The following CDC37 variants were observed in gnomAD, a reference collection of about 807,000 sequenced individuals.
The protein encoded by CDC37 is hsp90 co-chaperone Cdc37.
A neutral mutation model predicts 46.9 loss-of-function variants in CDC37; 9 were observed. The observed-to-expected ratio is 0.19, with a 90% CI of 0.12 to 0.33. The LOEUF is 0.33. CDC37 is among the 10% of genes least tolerant of loss of function. CDC37 has a pLI of 1.00. For missense variants in CDC37, 388 were observed against 514.6 expected, an observed-to-expected ratio of 0.75 and a Z score of 2.38; for synonymous variants, 193 against 191.0, an observed-to-expected ratio of 1.01 and a Z score of -0.09.
Position 10,393,710 on chromosome 19 carries a change from A to G in CDC37, c.727-269T>C. 1 of 419,926 alleles carries G rather than the reference A, an allele frequency of 2.4e-6. No homozygotes were observed. Among genetic ancestry groups the G allele is most frequent in the South Asian group, 5.2e-5 (1 of 19,110 alleles). The allele number at this position is 419,926 out of a possible 1,614,324, so 26.0% of individuals were successfully genotyped here. ...GTCCCTGCATGGGCACCTCTAACTC[A>G]ACATGGCCACCTCCCAGCCTGCCTT... On this transcript the variant is annotated intron_variant, in intron 5 of 7. Transcript: ENST00000222005. This position sits in a 1 kb window ranked among gnomAD's most constrained non-coding sequence, Gnocchi z 4.9.
chr19:10,393,522 C>T lies in CDC37; in HGVS notation c.727-81G>A, dbSNP rs1185739902. The T allele has an allele frequency of 5.6e-6, 8 of 1,424,720 alleles. No homozygotes were observed. The highest frequency in any genetic ancestry group is 7.6e-6 in the Non-Finnish European group (8 of 1,057,926). The allele number at this position is 1,424,720 out of a possible 1,614,324, so 88.3% of individuals were successfully genotyped here. On this transcript the variant is annotated intron_variant, in intron 5 of 7. Transcript: ENST00000222005. This position sits in a 1 kb window ranked among gnomAD's most constrained non-coding sequence, Gnocchi z 4.9. ...GGGGCCCAGGACCCTCCAGCCACAG[C>T]TCCTCAGAGGCGCCCCACGGTTCCC...
chr19:10,396,321 C>T lies in CDC37; in HGVS notation c.103-118G>A. ...AAAAGTACGCGTCCACCTCCCGTGC[C>T]CTGGTCTCCCAGCTTCCGCCCCTGC... On this transcript the variant is annotated intron_variant, in intron 1 of 7. Coordinates refer to ENST00000222005, the MANE Select transcript of CDC37 (RefSeq NM_007065.4). This position sits in a 1 kb window ranked among gnomAD's most constrained non-coding sequence, Gnocchi z 5.9. 8.3e-7 allele frequency: 1 copy of T among 1,201,616 alleles called. No homozygotes were observed. The highest frequency in any genetic ancestry group is 1.5e-5 in the South Asian group (1 of 65,774). 74.4% of individuals were successfully genotyped at this position (1,201,616 alleles called of 1,614,324 possible). A position where few individuals can be genotyped will look rare whatever the true frequency, so the allele number is the denominator to read the frequency against.
At chr19:10,401,379 C>T (rs1415906294) in intron 1 of CDC37, among the ~76,000 whole-genome samples, 2 of 152,108 alleles carry the variant, frequency 1.3e-5, no homozygotes, top group Non-Finnish European at 1.5e-5. Context: ...GGGTTCTCAG[C>T]GGCAGGACAG....
Position 10,396,565 on chromosome 19 carries a change from GAAAAC to G in CDC37, c.103-367_103-363del, listed in dbSNP as rs765806805. Reference sequence around the variant, plus strand: ...TCTTGAGGCCATTTTTTTTGTTTAAGAAAACAAAACAAAACAAAACAAAAAACAGG... The same window carrying G: ...TCTTGAGGCCATTTTTTTTGTTTAAGAAAACAAAACAAAACAAAAAACAGG... On this transcript the variant is annotated intron_variant, in intron 1 of 7. Coordinates refer to ENST00000222005, the MANE Select transcript of CDC37 (RefSeq NM_007065.4). This position sits in a 1 kb window ranked among gnomAD's most constrained non-coding sequence, Gnocchi z 5.9. 7.8e-4 allele frequency among the ~76,000 whole-genome samples: 119 copies of G among 151,976 alleles called. 1 individual carries two copies. The East Asian group carries it at 0.017, about 22-fold the overall frequency.
At chr19:10,403,352 G>A in intron 1 of CDC37, 26 bp downstream of exon 1, 1 of 1,583,884 alleles carries the variant, frequency 6.3e-7, no homozygotes, top group Non-Finnish European at 8.6e-7. Flanking sequence ...CGGGAGTGGG[G>A]AAAGGGATGG....
In CDC37 at chr19:10,391,579, G is replaced by A. The variant is rs971573679; in HGVS notation, c.1109C>T (p.Thr370Met). The A allele has an allele frequency of 8.7e-6, 14 of 1,614,098 alleles. No homozygotes were observed. Among genetic ancestry groups the A allele is most frequent in the African/African-American group, 8.0e-5 (6 of 74,948 alleles). ...CACACTGACATCCTTCTCATCGCCC[G>A]TCTTGGGAACAGCTTCCAGTAATGG... ...GDPLLEAVPK[T>M]GDEKDVSV is the part of the protein sequence containing the mutation. Residue 370 changes from threonine to methionine, a missense_variant, in exon 8 of 8, where the codon ACG becomes ATG. Thr to Met is a moderately conservative substitution (Grantham distance 81, BLOSUM62 -1). Around this residue, in one of 2 missense-constraint regions of CDC37, gnomAD observed 374 missense variants for 467.4 expected, o/e 0.80. Coordinates refer to ENST00000222005, the MANE Select transcript of CDC37 (RefSeq NM_007065.4).
At chr19:10,395,827 C>T (rs1047058321) in intron 2 of CDC37, 101 bp downstream of exon 2, 21 of 1,364,142 alleles carry the variant, frequency 1.5e-5, no homozygotes, top group Non-Finnish European at 1.0e-6. Flanking sequence ...TCAACTACAC[C>T]ACCGGGGTCC....
intron 1 of CDC37, among the ~76,000 whole-genome samples, chr19:10,397,703 G>A (rs2042499388): frequency 1.3e-5 from 2 of 151,778 alleles, no homozygotes; most frequent in South Asian, 4.2e-4. Flanking sequence ...CTGCACCAGG[G>A]CCCCTTCTAG....
At position 10,396,752 on chromosome 19, in the gene CDC37, G is replaced by C. The variant is rs1311917462; in HGVS notation, c.103-549C>G. Among the ~76,000 whole-genome samples, 2 of 152,002 alleles carry C rather than the reference G, an allele frequency of 1.3e-5. No homozygotes were observed. Among genetic ancestry groups the C allele is most frequent in the African/African-American group, 2.4e-5 (1 of 41,372 alleles). ...CGCCCAGCTAATTTTTGTATTTTCA[G>C]TAAAGATGGGGTTTGCCATGTTGCC... On this transcript the variant is annotated intron_variant, in intron 1 of 7. Transcript: ENST00000222005. This position sits in a 1 kb window ranked among gnomAD's most constrained non-coding sequence, Gnocchi z 5.9.
At chr19:10,401,084 C>T (rs1007869374) in intron 1 of CDC37, among the ~76,000 whole-genome samples, 3 of 152,204 alleles carry the variant, frequency 2.0e-5, no homozygotes, top group Non-Finnish European at 4.4e-5. Flanking sequence ...GTGCTCTGAA[C>T]GACAGCAATC....
rs988666433 is a variant in CDC37 at position 10,391,415 on chromosome 19, G to A, written c.*136C>T. On this transcript the variant is annotated 3_prime_UTR_variant, in exon 8 of 8. Coordinates refer to ENST00000222005, the MANE Select transcript of CDC37 (RefSeq NM_007065.4). Reference sequence around the variant, plus strand: ...TGGAGACAGTGGAGAGGCCAGGGAGGGCTGGGCGGGCCCCCCAGGCTGGGC... The same window carrying A: ...TGGAGACAGTGGAGAGGCCAGGGAGAGCTGGGCGGGCCCCCCAGGCTGGGC... 1.4e-5 allele frequency: 14 copies of A among 1,027,844 alleles called. No homozygotes were observed. The South Asian group carries it at 1.8e-4, about 13-fold the overall frequency. The allele number at this position is 1,027,844 out of a possible 1,614,324, so 63.7% of individuals were successfully genotyped here.
chr19:10,395,903 T>TA, intron 2 of CDC37, 25 bp downstream of exon 2: 1 of 1,573,918 alleles, frequency 6.4e-7, no homozygotes. Flanking sequence ...GCATGCGCAC[T>TA]GCCCGCCCCG....
Position 10,393,246 on chromosome 19 carries a change from C to CG in CDC37, c.909+12dup. 1 of 1,612,418 alleles carries CG rather than the reference C, an allele frequency of 6.2e-7. No homozygotes were observed. The highest frequency in any genetic ancestry group is 1.3e-5 in the African/African-American group (1 of 74,978). On this transcript the variant is annotated intron_variant, in intron 6 of 7. Coordinates refer to ENST00000222005, the MANE Select transcript of CDC37 (RefSeq NM_007065.4). This position sits in a 1 kb window ranked among gnomAD's most constrained non-coding sequence, Gnocchi z 4.9. ...GGGTCTTCCTGCTGCCCGCCTGGGC[C>CG]GGGGAGCCCCACCTCAGGGAGGGAC...
chr19:10,403,043 G>A (rs1354586950), intron 1 of CDC37, among the ~76,000 whole-genome samples: 2 of 152,126 alleles, frequency 1.3e-5, no homozygotes, highest in East Asian at 1.9e-4. Context: ...CAAACTTTGA[G>A]GCAGAGTTCT....
chr19:10,396,180 C>A lies in CDC37; in HGVS notation c.126G>T (p.Gln42His). Residue 42 changes from glutamine (Q) to histidine (H), a missense_variant, in exon 2 of 8, where the codon CAG becomes CAT. Gln to His is a conservative substitution (Grantham distance 24, BLOSUM62 0). Coordinates refer to ENST00000222005, the MANE Select transcript of CDC37 (RefSeq NM_007065.4). The surrounding 1 kb of genome is among the most constrained non-coding windows in gnomAD (Gnocchi z 5.9). ...RHQARVERME[Q>H]FQKEKEELDR... ...CCAGTTCCTCCTTCTCCTTCTGGAA[C>A]TGCTCCATGCGTTCCACCCGGGCCT... The A allele has an allele frequency of 6.2e-7, 1 of 1,614,030 alleles. No homozygotes were observed.
Position 10,393,506 on chromosome 19 carries a change from GA to G in CDC37, c.727-66del, listed in dbSNP as rs1462470327. 5 of 1,501,244 alleles carry G rather than the reference GA, an allele frequency of 3.3e-6. No individual in the cohort carries two copies. Among genetic ancestry groups the G allele is most frequent in the Non-Finnish European group, 4.5e-6 (5 of 1,118,652 alleles). The allele number at this position is 1,501,244 out of a possible 1,614,324, so 93.0% of individuals were successfully genotyped here. A position where few individuals can be genotyped will look rare whatever the true frequency, so the allele number is the denominator to read the frequency against. ...GCTCAGGAGGGACTGGGGGGCCCAGGACCCTCCAGCCACAGCTCCTCAGAGG... is the reference window on the plus strand; with the variant it reads ...GCTCAGGAGGGACTGGGGGGCCCAGGCCCTCCAGCCACAGCTCCTCAGAGG... On this transcript the variant is annotated intron_variant, in intron 5 of 7. Transcript: ENST00000222005. The surrounding 1 kb of genome is among the most constrained non-coding windows in gnomAD (Gnocchi z 4.9).
chr19:10,403,493 C>T lies in CDC37; in HGVS notation c.-14G>A, dbSNP rs1351624671. Reference sequence around the variant, plus strand: ...GTAGTCCACCATCTTGCCTTGGCGGCCCAGCCCGCTCCGGCTCGGGTGGCG... The same window carrying T: ...GTAGTCCACCATCTTGCCTTGGCGGTCCAGCCCGCTCCGGCTCGGGTGGCG... On this transcript the variant is annotated 5_prime_UTR_variant, in exon 1 of 8. Coordinates refer to ENST00000222005, the MANE Select transcript of CDC37 (RefSeq NM_007065.4). The T allele has an allele frequency of 3.7e-6, 6 of 1,601,216 alleles. No individual in the cohort carries two copies. The highest frequency in any genetic ancestry group is 2.2e-5 in the East Asian group (1 of 44,808).
rs748675716 is a variant in CDC37, at chr19:10,395,328, C to G, written c.503G>C (p.Trp168Ser). The change falls in exon 4 of 8, where the codon TGG becomes TCG. Residue 168 changes from tryptophan to serine, a missense_variant. Transcript: ENST00000222005. Reference protein sequence around the residue: ...QIKHFGMLRRWDDSQKYLSDN... With the variant: ...QIKHFGMLRRSDDSQKYLSDN... Reference sequence around the variant, plus strand: ...TGACAGGTACTTTTGGCTGTCATCCCAGCGGCGAAGCATGCCTGTGGGAAG... The same window carrying G: ...TGACAGGTACTTTTGGCTGTCATCCGAGCGGCGAAGCATGCCTGTGGGAAG... The G allele has an allele frequency of 6.2e-7, 1 of 1,614,188 alleles. No individual in the cohort carries two copies. The highest frequency in any genetic ancestry group is 1.1e-5 in the South Asian group (1 of 91,086).
Position 10,396,312 on chromosome 19 carries a change from C to G in CDC37, c.103-109G>C. On this transcript the variant is annotated intron_variant, in intron 1 of 7. Transcript: ENST00000222005. The surrounding 1 kb of genome is among the most constrained non-coding windows in gnomAD (Gnocchi z 5.9). Reference sequence around the variant, plus strand: ...GCCCCAGGAAAAAGTACGCGTCCACCTCCCGTGCCCTGGTCTCCCAGCTTC... The same window carrying G: ...GCCCCAGGAAAAAGTACGCGTCCACGTCCCGTGCCCTGGTCTCCCAGCTTC... 1 of 1,273,308 alleles carries G rather than the reference C, an allele frequency of 7.9e-7. No individual in the cohort carries two copies. Among genetic ancestry groups the G allele is most frequent in the Non-Finnish European group, 1.1e-6 (1 of 926,496 alleles). The allele number at this position is 1,273,308 out of a possible 1,614,324, so 78.9% of individuals were successfully genotyped here.
Sources: allele counts gnomAD v4.1 joint callset (sites outside exome capture counted in the v4.1 genomes callset), GRCh38; gene constraint gnomAD v4.1.1; regional missense constraint gnomAD v4.1.1; non-coding constraint Gnocchi (gnomAD v3.1); transcripts MANE v1.5; gene names NCBI Gene and HGNC (gene_info 2026-07-23, HGNC 2026-07-21).